The following A4GALT variants were observed in gnomAD, a reference collection of about 807,000 sequenced individuals.
A4GALT encodes alpha 1,4-galactosyltransferase (P1PK blood group).
For synonymous variants in A4GALT, 257 were observed against 220.7 expected (o/e 1.16, Z -1.46); for missense variants, 512 against 486.0 (o/e 1.05, Z -0.50).
Position 42,692,563 on chromosome 22 carries a change from A to G in A4GALT, c.*327T>C, listed in dbSNP as rs1052267728. On this transcript the variant is annotated 3_prime_UTR_variant, in exon 3 of 3. Coordinates refer to ENST00000642412, the MANE Select transcript of A4GALT (RefSeq NM_017436.7). This position sits in a 1 kb window ranked among gnomAD's most constrained non-coding sequence, Gnocchi z 4.6. ...AGCACCGGCCTCTGCCCTCGTGGGC[A>G]CCTCTGTCCCAACTGCCTGGCTTTC... The G allele has an allele frequency of 1.0e-5, 5 of 477,768 alleles. No individual in the cohort carries two copies. The highest frequency in any genetic ancestry group is 2.0e-5 in the Non-Finnish European group (5 of 244,428). 29.6% of individuals were successfully genotyped at this position (477,768 alleles called of 1,614,324 possible). A position where few individuals can be genotyped will look rare whatever the true frequency, so the allele number is the denominator to read the frequency against.
At chr22:42,703,011 A>C (rs1602002678) in intron 1 of A4GALT, among the ~76,000 whole-genome samples, 1 of 114,294 alleles carries the variant, frequency 8.7e-6, no homozygotes, top group African/African-American at 6.2e-5. Context: ...TGGCCGCAGC[A>C]CCTCTGCCCT....
Position 42,693,260 on chromosome 22 carries a change from G to A in A4GALT, c.692C>T (p.Ala231Val), listed in dbSNP as rs1207648545. Residue 231 changes from alanine (A) to valine (V), a missense_variant, in exon 3 of 3, where the codon GCG becomes GTG. Physicochemically the swap from Ala to Val is moderately conservative, Grantham distance 64 (BLOSUM62 0). Coordinates refer to ENST00000642412, the MANE Select transcript of A4GALT (RefSeq NM_017436.7). Reference sequence around the variant, plus strand: ...GTCCACGAAGTCCCGCATGCACAGCGCCATGAACTCGTGCCGGCGCTCGAA... The same window carrying A: ...GTCCACGAAGTCCCGCATGCACAGCACCATGAACTCGTGCCGGCGCTCGAA... ...LAFERRHEFM[A>V]LCMRDFVDHY... 2.5e-6 allele frequency: 4 copies of A among 1,612,496 alleles called. No individual in the cohort carries two copies. Among genetic ancestry groups the A allele is most frequent in the East Asian group, 2.2e-5 (1 of 44,872 alleles).
rs6002904 is a variant in A4GALT at position 42,693,049 on chromosome 22, G to T, written c.903C>A (p.Pro301=). Residue 301 remains proline, a synonymous_variant, in exon 3 of 3, where the codon CCC becomes CCA. Transcript: ENST00000642412. The stretch of plus-strand genomic sequence containing the variant: ...CACTGAGCAGCCGCGGCAGCTCCTC[G>T]GGGTTGATGTCCTCAAAGTACTTCT... ...DWKKYFEDIN[P]EELPRLLSAT... The T allele has an allele frequency of 9.3e-6, 15 of 1,613,352 alleles. No homozygotes were observed. Among genetic ancestry groups the T allele is most frequent in the Middle Eastern group, 1.6e-4 (1 of 6,062 alleles).
At chr22:42,715,003 G>A (rs904883373) in intron 1 of A4GALT, among the ~76,000 whole-genome samples, 6 of 150,256 alleles carry the variant, frequency 4.0e-5, no homozygotes, top group African/African-American at 9.8e-5. Flanking sequence ...ATCCAGGGGC[G>A]AGTGTGGCTG....
At position 42,693,248 on chromosome 22, in the gene A4GALT, C is replaced by T. The variant is rs763170320; in HGVS notation, c.704G>A (p.Arg235Gln). 13 of 1,611,830 alleles carry T rather than the reference C, an allele frequency of 8.1e-6. No homozygotes were observed. In the East Asian group the frequency reaches 2.7e-4, roughly 33 times the overall value. Residue 235 changes from arginine (R) to glutamine (Q), a missense_variant, in exon 3 of 3, where the codon CGG (arginine) becomes CAG (glutamine). Arg to Gln is a conservative substitution (Grantham distance 43). Transcript: ENST00000642412. ...RRHEFMALCM[R>Q]DFVDHYNGWI... ...GCCGTTGTAGTGGTCCACGAAGTCCCGCATGCACAGCGCCATGAACTCGTG... is the reference window on the plus strand; with the variant it reads ...GCCGTTGTAGTGGTCCACGAAGTCCTGCATGCACAGCGCCATGAACTCGTG...
At chr22:42,701,840 G>A (rs1409556217) in intron 1 of A4GALT, among the ~76,000 whole-genome samples, 4 of 152,164 alleles carry the variant, frequency 2.6e-5, no homozygotes, top group Non-Finnish European at 5.9e-5. Context: ...GCCTGGTAAT[G>A]AAGCCAGCCC....
rs6002904 is a variant in A4GALT, at chr22:42,693,049, G to A, written c.903C>T (p.Pro301=). The change falls in exon 3 of 3, where the codon CCC becomes CCT. Residue 301 remains proline (P), a synonymous_variant. Coordinates refer to ENST00000642412, the MANE Select transcript of A4GALT (RefSeq NM_017436.7). The part of the protein sequence containing the change: ...DWKKYFEDIN[P]EELPRLLSAT... ...CACTGAGCAGCCGCGGCAGCTCCTC[G>A]GGGTTGATGTCCTCAAAGTACTTCT... is the stretch of plus-strand genomic sequence containing the variant. The A allele has an allele frequency of 1.4e-5, 22 of 1,613,268 alleles. No individual in the cohort carries two copies. Among genetic ancestry groups the A allele is most frequent in the Middle Eastern group, 1.6e-4 (1 of 6,084 alleles).
At position 42,702,916 on chromosome 22, in the gene A4GALT, C is replaced by T. The variant is rs1309566887; in HGVS notation, c.-187-7285G>A. Among the ~76,000 whole-genome samples, 9 of 120,048 alleles carry T rather than the reference C, an allele frequency of 7.5e-5. 1 individual carries two copies. The highest frequency in any genetic ancestry group is 3.9e-4 in the East Asian group (2 of 5,160). The allele number at this position is 120,048 out of a possible 152,430, so 78.8% of individuals were successfully genotyped here. A position where few individuals can be genotyped will look rare whatever the true frequency, so the allele number is the denominator to read the frequency against. On this transcript the variant is annotated intron_variant, in intron 1 of 2. Transcript: ENST00000642412. Reference sequence around the variant, plus strand: ...ATGCGGGGATTACTCCAGCCAATCCCGGTCCCTGCTCCCCTGTTTAACTTT... The same window carrying T: ...ATGCGGGGATTACTCCAGCCAATCCTGGTCCCTGCTCCCCTGTTTAACTTT...
intron 1 of A4GALT, among the ~76,000 whole-genome samples, chr22:42,717,255 A>G (rs1294710518): frequency 6.6e-6 from 1 of 152,118 alleles, no homozygotes; most frequent in Non-Finnish European, 1.5e-5. Context: ...AGCCTCGGAG[A>G]GAAGAGCAAT....
At chr22:42,711,447 G>A (rs1055528010) in intron 1 of A4GALT, among the ~76,000 whole-genome samples, 1 of 152,160 alleles carries the variant, frequency 6.6e-6, no homozygotes. Flanking sequence ...AAGGTCACAG[G>A]TTTGCAGTTG....
intron 1 of A4GALT, among the ~76,000 whole-genome samples, chr22:42,709,660 C>A (rs1202489986): frequency 6.6e-6 from 1 of 151,884 alleles, no homozygotes; most frequent in African/African-American, 2.4e-5. Context: ...TGTGGTGGGG[C>A]ACAACTGTAA....
In A4GALT at chr22:42,695,539, G is replaced by C. The variant is rs1280891046; in HGVS notation, c.-95C>G. 1.3e-5 allele frequency: 2 copies of C among 150,250 alleles called. No individual in the cohort carries two copies. 9.3% of individuals were successfully genotyped at this position (150,250 alleles called of 1,614,324 possible). On this transcript the variant is annotated 5_prime_UTR_variant, in exon 2 of 3. Transcript: ENST00000642412. ...GAGGTGGGGATCCTGGCAGCCCACA[G>C]GCCTCCGGGAGACACGCCCTGGCTC...
At chr22:42,700,826 G>A (rs535215784) in intron 1 of A4GALT, among the ~76,000 whole-genome samples, 3 of 152,362 alleles carry the variant, frequency 2.0e-5, no homozygotes, top group East Asian at 3.9e-4. Flanking sequence ...CACGGCCATC[G>A]CATTATAGGC....
intron 1 of A4GALT, among the ~76,000 whole-genome samples, chr22:42,706,314 C>T (rs1440165629): frequency 1.5e-5 from 2 of 137,510 alleles, no homozygotes; most frequent in Non-Finnish European, 3.0e-5. Context: ...GAGATCACAC[C>T]ACTGCACTCC....
At chr22:42,720,412 GC>G (rs1317739031) in intron 1 of A4GALT, among the ~76,000 whole-genome samples, 1 of 152,116 alleles carries the variant, frequency 6.6e-6, no homozygotes, top group African/African-American at 2.4e-5. Context: ...ACGGAGGAGC[GC>G]GACTCACCCA....
intron 1 of A4GALT, among the ~76,000 whole-genome samples, chr22:42,713,812 A>C (rs1301210253): frequency 6.6e-4 from 32 of 48,312 alleles, no homozygotes; most frequent in Non-Finnish European, 6.3e-4. Flanking sequence ...AACTCTGTCA[A>C]AAAAAAAAAA....
intron 1 of A4GALT, among the ~76,000 whole-genome samples, chr22:42,719,974 A>G (rs1443210106): frequency 6.6e-6 from 1 of 152,182 alleles, no homozygotes; most frequent in African/African-American, 2.4e-5. Context: ...GAGACTATCC[A>G]GGTGGGAACT....
chr22:42,718,188 G>A (rs921330093), intron 1 of A4GALT: 2 of 152,242 alleles, frequency 1.3e-5, no homozygotes, highest in African/African-American at 2.4e-5. Context: ...AGGAATGCTC[G>A]TGAAATTATA....
intron 1 of A4GALT, among the ~76,000 whole-genome samples, chr22:42,716,472 G>A (rs1922187240): frequency 3.9e-5 from 6 of 152,156 alleles, no homozygotes; most frequent in Admixed American, 3.9e-4. Context: ...GTGGTTTCCT[G>A]CTTTGACTTG....
Sources: gnomAD v4.1 joint callset for allele counts (sites outside exome capture counted in the v4.1 genomes callset) on GRCh38, gnomAD v4.1.1 for gene constraint, Gnocchi (gnomAD v3.1) non-coding constraint, MANE v1.5 for transcripts, NCBI Gene and HGNC (gene_info 2026-07-23, HGNC 2026-07-21) for gene names.